Variants in PDE11A observed in about 807,000 individuals in gnomAD.
PDE11A encodes phosphodiesterase 11A, also known as dual 3',5'-cyclic-AMP and -GMP phosphodiesterase 11A.
Under a neutral mutation model 100.5 loss-of-function variants are expected in PDE11A, and 100 were observed. The observed-to-expected ratio is 1.00, with a 90% confidence interval of 0.85 to 1.18. The LOEUF is 1.18. Ranked by LOEUF, PDE11A falls within the 50% of genes most tolerant of loss-of-function variation. The pLI is 0.00. For synonymous variants in PDE11A, 381 were observed against 420.8 expected, an observed-to-expected ratio of 0.91 and a Z score of 1.16; for missense variants, 1,141 against 1,152.6, an observed-to-expected ratio of 0.99 and a Z score of 0.15.
At chr2:178,095,613 G>C (rs1450532080) in intron 2 of PDE11A, among the ~76,000 whole-genome samples, 1 of 152,230 alleles carries the variant, frequency 6.6e-6, no homozygotes, top group East Asian at 1.9e-4. Flanking sequence ...CAATGCCCCA[G>C]TAGGGACTCT....
At chr2:178,055,158 T>A (rs970239218) in intron 1 of PDE11A, among the ~76,000 whole-genome samples, 2 of 152,172 alleles carry the variant, frequency 1.3e-5, no homozygotes, top group Admixed American at 1.3e-4. Flanking sequence ...CATGGAATAC[T>A]ATGCAGCCAT....
At chr2:178,055,796 T>C (rs1301901792) in intron 1 of PDE11A, among the ~76,000 whole-genome samples, 1 of 152,068 alleles carries the variant, frequency 6.6e-6, no homozygotes, top group Non-Finnish European at 1.5e-5. Context: ...CTATTTCAAA[T>C]ATGGAAAAGC....
At chr2:177,823,828 T>C (rs543409629) in intron 6 of PDE11A, among the ~76,000 whole-genome samples, 2 of 152,286 alleles carry the variant, frequency 1.3e-5, no homozygotes, top group East Asian at 3.9e-4. Flanking sequence ...CATATCATTG[T>C]ACAGACCATT....
In PDE11A at chr2:177,798,600, G is replaced by A. The variant is rs1261836753; in HGVS notation, c.1737+18229C>T. 4.6e-5 allele frequency among the ~76,000 whole-genome samples: 7 copies of A among 152,222 alleles called. 1 individual carries two copies. Among genetic ancestry groups the A allele is most frequent in the Admixed American group, 2.0e-4 (3 of 15,290 alleles). ...AAGCACCATTTGTGCATACACATAA[G>A]TTCTTTTTTGTTGCTGTTAAAAAAT... On this transcript the variant is annotated intron_variant, in intron 9 of 19. Coordinates refer to ENST00000286063, the MANE Select transcript of PDE11A (RefSeq NM_016953.4).
At chr2:177,696,318 A>G (rs191746755) in intron 15 of PDE11A, among the ~76,000 whole-genome samples, 2 of 152,322 alleles carry the variant, frequency 1.3e-5, no homozygotes, top group Non-Finnish European at 2.9e-5. Flanking sequence ...GTCTGAGTAG[A>G]GAAAGAAGAA....
chr2:178,106,777 T>C (rs1324499419), intron 1 of PDE11A, among the ~76,000 whole-genome samples: 1 of 151,924 alleles, frequency 6.6e-6, no homozygotes, highest in African/African-American at 2.4e-5. Context: ...CTGGCCAACA[T>C]GGTGAAACCT....
In PDE11A at chr2:177,628,833, TC is replaced by T. The variant is rs2079873749; in HGVS notation, c.*573del. ...TTTTTAGGGGGAGAACTGGGATTGA[TC>T]AGTATTTATAAGGATAGTATAGTTT... On this transcript the variant is annotated 3_prime_UTR_variant, in exon 20 of 20. Coordinates refer to ENST00000286063, the MANE Select transcript of PDE11A (RefSeq NM_016953.4). The T allele has an allele frequency of 6.3e-6, 1 of 157,516 alleles. No individual in the cohort carries two copies. The highest frequency in any genetic ancestry group is 1.9e-4 in the South Asian group (1 of 5,348). 9.8% of individuals were successfully genotyped at this position (157,516 alleles called of 1,614,324 possible).
At chr2:177,629,675 G>A in intron 19 of PDE11A, 113 bp from the exon 20 acceptor site, 1 of 1,078,926 alleles carries the variant, frequency 9.3e-7, no homozygotes, top group East Asian at 2.4e-5. Flanking sequence ...GGAAATGAAA[G>A]TGATGATTAT....
At chr2:177,839,205 G>A (rs770998065) in intron 6 of PDE11A, among the ~76,000 whole-genome samples, 7 of 152,202 alleles carry the variant, frequency 4.6e-5, no homozygotes, top group Non-Finnish European at 7.3e-5. Context: ...AATGGAGACA[G>A]CACAGGGCAG....
chr2:177,835,439 C>T (rs773871373), intron 6 of PDE11A, among the ~76,000 whole-genome samples: 7 of 152,198 alleles, frequency 4.6e-5, no homozygotes, highest in Non-Finnish European at 8.8e-5. Context: ...ATGCATCCTC[C>T]AAACTGGGAA....
rs549739001 is a variant in PDE11A, at chr2:177,623,871, A to G, written c.*5536T>C. The G allele has an allele frequency of 6.6e-6, 1 of 152,356 alleles. No individual in the cohort carries two copies. Among genetic ancestry groups the G allele is most frequent in the East Asian group, 1.9e-4 (1 of 5,196 alleles). 9.4% of individuals were successfully genotyped at this position (152,356 alleles called of 1,614,324 possible). On this transcript the variant is annotated 3_prime_UTR_variant, in exon 20 of 20. Transcript: ENST00000286063. ...GCAAGAACATTCAAAATTAAATTTA[A>G]AAAAGTACAACCCCAAATTACTAGC... is the stretch of plus-strand genomic sequence containing the variant.
rs146186871 is a variant in PDE11A, at chr2:177,641,578, C to T, written c.2647-12016G>A. 2.0e-5 allele frequency among the ~76,000 whole-genome samples: 3 copies of T among 152,296 alleles called. No homozygotes were observed. In the East Asian group the frequency reaches 5.8e-4, roughly 29 times the overall value. On this transcript the variant is annotated intron_variant, in intron 19 of 19. Transcript: ENST00000286063. The stretch of plus-strand genomic sequence containing the variant: ...CTCCTAAACCTCACTCCTTCCCTCC[C>T]CAGTTCAATGGCTTTTGAAACTCAA...
At chr2:177,804,366 A>C (rs2082836143) in intron 9 of PDE11A, among the ~76,000 whole-genome samples, 1 of 152,100 alleles carries the variant, frequency 6.6e-6, no homozygotes, top group Admixed American at 6.6e-5. Flanking sequence ...ATTCAAATTA[A>C]AACCACAATG....
At chr2:177,762,977 G>A (rs1230821562) in intron 10 of PDE11A, among the ~76,000 whole-genome samples, 2 of 152,082 alleles carry the variant, frequency 1.3e-5, no homozygotes, top group Admixed American at 6.5e-5. Context: ...CCCGCCCTCC[G>A]CCACTATCTT....
chr2:178,025,894 A>G (rs535914668), intron 1 of PDE11A, among the ~76,000 whole-genome samples: 1 of 152,206 alleles, frequency 6.6e-6, no homozygotes. Flanking sequence ...ATGAGGCTCT[A>G]AGGTAAAACC....
chr2:177,732,800 G>A (rs776998289), intron 10 of PDE11A, among the ~76,000 whole-genome samples: 6 of 151,944 alleles, frequency 3.9e-5, no homozygotes, highest in South Asian at 2.1e-4. Flanking sequence ...AAATCATACC[G>A]GTGTGTAGAT....
At chr2:177,636,088 T>A (rs115525225) in intron 19 of PDE11A, among the ~76,000 whole-genome samples, 2,105 of 152,222 alleles carry the variant, frequency 0.014, 39 homozygotes, top group African/African-American at 0.048. Context: ...TAGATATTAC[T>A]GAATCAACAA....
At position 178,072,288 on chromosome 2, in the gene PDE11A, A is replaced by T; in HGVS notation, c.150T>A (p.Gly50=). Residue 50 remains glycine, a synonymous_variant, in exon 1 of 20, where the codon GGT becomes GGA. Transcript: ENST00000286063. The stretch of plus-strand genomic sequence containing the variant: ...TGGTACCAGCCAAAGAGGGCCTTGG[A>T]CCTAAAGCCCCCTGACCCTGACTGT... ...QRHSQGQGAL[G]PRPSLAGTSS... The T allele has an allele frequency of 1.2e-6, 2 of 1,613,856 alleles. No individual in the cohort carries two copies. The highest frequency in any genetic ancestry group is 1.1e-5 in the South Asian group (1 of 91,040).
Position 177,820,291 on chromosome 2 carries a change from T to C in PDE11A, c.1505A>G (p.Asp502Gly). ...YQDPRFDAEA[D>G]QISGFHIRSV... The stretch of plus-strand genomic sequence containing the variant: ...TCTTATGTGAAAACCAGATATCTGG[T>C]CTGCCTAGGAAACAAGAAAGAAGTT... The change falls in exon 7 of 20, where the codon GAC becomes GGC. Residue 502 changes from aspartate (D) to glycine (G), a missense_variant. Transcript: ENST00000286063. The C allele has an allele frequency of 6.4e-7, 1 of 1,562,120 alleles. No homozygotes were observed. The highest frequency in any genetic ancestry group is 8.8e-7 in the Non-Finnish European group (1 of 1,133,180).
Sources: gnomAD v4.1 joint callset for allele counts (sites outside exome capture counted in the v4.1 genomes callset) on GRCh38, gnomAD v4.1.1 for gene constraint, MANE v1.5 for transcripts, NCBI Gene and HGNC (gene_info 2026-07-23, HGNC 2026-07-21) for gene names.